Variants in KISS1R observed in about 807,000 individuals in gnomAD.
KISS1R encodes kiSS-1 receptor.
KISS1R carries 19 observed loss-of-function variants against 22.0 expected under a neutral mutation model. The ratio of observed to expected loss-of-function variants is 0.86; its 90% CI spans 0.60 to 1.26. The LOEUF is 1.26. Among genes scored for constraint, KISS1R ranks in the 50% most tolerant of loss-of-function variants. The pLI, the probability that KISS1R is intolerant of heterozygous loss-of-function variation, is 0.00. For synonymous variants in KISS1R, 302 were observed against 283.9 expected (o/e 1.06, Z -0.64); for missense variants, 653 against 581.9 (o/e 1.12, Z -1.26).
chr19:918,698 G>T (rs778005997), intron 2 of KISS1R, 30 bp downstream of exon 2: 14 of 1,538,110 alleles, frequency 9.1e-6, no homozygotes, highest in Non-Finnish European at 1.2e-5. Context: ...GGGAGAGGGC[G>T]CACTTGGGGA....
intron 2 of KISS1R, 44 bp from the exon 3 acceptor site, chr19:919,446 C>G: frequency 6.5e-7 from 1 of 1,537,476 alleles, no homozygotes; most frequent in Non-Finnish European, 8.7e-7. Flanking sequence ...GGGCAGGCTC[C>G]CAACCGCGCA....
chr19:920,752 G>A lies in KISS1R; in HGVS notation c.*4G>A, dbSNP rs2037115629. 1 of 1,277,204 alleles carries A rather than the reference G, an allele frequency of 7.8e-7. No individual in the cohort carries two copies. Among genetic ancestry groups the A allele is most frequent in the Non-Finnish European group, 9.9e-7 (1 of 1,012,850 alleles). 79.1% of individuals were successfully genotyped at this position (1,277,204 alleles called of 1,614,324 possible). ...GGAGGACAACGCCCCTCTCTGAGCGGACCCGGTGGGAATCCGAGCGGCTCC... is the reference window on the plus strand; with the variant it reads ...GGAGGACAACGCCCCTCTCTGAGCGAACCCGGTGGGAATCCGAGCGGCTCC... On this transcript the variant is annotated 3_prime_UTR_variant, in exon 5 of 5. Transcript: ENST00000234371.
chr19:918,860 C>T (rs1470924534), intron 2 of KISS1R, among the ~76,000 whole-genome samples, 192 bp downstream of exon 2: 1 of 84,396 alleles, frequency 1.2e-5, no homozygotes, highest in Admixed American at 1.5e-4. Context: ...CACGTGGGGA[C>T]GGAGGGAGAT....
Position 920,070 on chromosome 19 carries a change from C to T in KISS1R, c.702C>T (p.Val234=), listed in dbSNP as rs1231921013. The change falls in exon 4 of 5, where the codon GTC becomes GTT. Residue 234 remains valine (V), a synonymous_variant. Transcript: ENST00000234371. ...CCATGCTGCGCCACCTGGGCCGGGT[C>T]GCCGTGCGCCCCGCGCCCGCCGATA... ...YAAMLRHLGR[V]AVRPAPADSA... 2.6e-6 allele frequency: 4 copies of T among 1,522,440 alleles called. No homozygotes were observed. Among genetic ancestry groups the T allele is most frequent in the South Asian group, 1.2e-5 (1 of 82,276 alleles). The allele number at this position is 1,522,440 out of a possible 1,614,324, so 94.3% of individuals were successfully genotyped here.
In KISS1R at chr19:917,386, CG is replaced by C; in HGVS notation, c.-116del. ...CCCTCTGGACCCTGCGGACCCCAGC[CG>C]AGCCCCTTCCTGAGTTCCACAGGCG... is the stretch of plus-strand genomic sequence containing the variant. On this transcript the variant is annotated 5_prime_UTR_variant, in exon 1 of 5. Coordinates refer to ENST00000234371, the MANE Select transcript of KISS1R (RefSeq NM_032551.5). The C allele has an allele frequency of 8.1e-7, 1 of 1,233,986 alleles. No homozygotes were observed. Among genetic ancestry groups the C allele is most frequent in the South Asian group, 1.9e-5 (1 of 52,550 alleles). 76.4% of individuals were successfully genotyped at this position (1,233,986 alleles called of 1,614,324 possible).
rs61735615 is a variant in KISS1R, at chr19:919,559, C to T, written c.439C>T (p.Pro147Ser). The T allele has an allele frequency of 8.3e-6, 13 of 1,558,960 alleles. No individual in the cohort carries two copies. Among genetic ancestry groups the T allele is most frequent in the South Asian group, 1.2e-5 (1 of 85,252 alleles). The change falls in exon 3 of 5, where the codon CCG becomes TCG. Residue 147 changes from proline to serine, a missense_variant. Physicochemically the swap from Pro to Ser is moderately conservative, Grantham distance 74. Coordinates refer to ENST00000234371, the MANE Select transcript of KISS1R (RefSeq NM_032551.5). Reference sequence around the variant, plus strand: ...GGACCGCTGGTACGTGACGGTGTTCCCGTTGCGCGCCCTGCACCGCCGCAC... The same window carrying T: ...GGACCGCTGGTACGTGACGGTGTTCTCGTTGCGCGCCCTGCACCGCCGCAC... ...SVDRWYVTVFPLRALHRRTPR... is the reference protein window; with the variant it reads ...SVDRWYVTVFSLRALHRRTPR...
In KISS1R at chr19:917,357, G is replaced by A; in HGVS notation, c.-146G>A. On this transcript the variant is annotated 5_prime_UTR_variant, in exon 1 of 5. Coordinates refer to ENST00000234371, the MANE Select transcript of KISS1R (RefSeq NM_032551.5). Reference sequence around the variant, plus strand: ...CAGAGGAGCCGCCGAGCCCAGCACAGCTGCCCTCTGGACCCTGCGGACCCC... The same window carrying A: ...CAGAGGAGCCGCCGAGCCCAGCACAACTGCCCTCTGGACCCTGCGGACCCC... The A allele has an allele frequency of 2.1e-6, 2 of 952,926 alleles. No individual in the cohort carries two copies. The highest frequency in any genetic ancestry group is 4.2e-5 in the Admixed American group (1 of 23,706). 59.0% of individuals were successfully genotyped at this position (952,926 alleles called of 1,614,324 possible).
rs565693558 is a variant in KISS1R, at chr19:920,710, G to C, written c.1159G>C (p.Gly387Arg). Reference sequence around the variant, plus strand: ...AGGGAGCAGTGGGCTGGCCGCGCGCGGGCTGTGCGTCCTGGGGGAGGACAA... The same window carrying C: ...AGGGAGCAGTGGGCTGGCCGCGCGCCGGCTGTGCGTCCTGGGGGAGGACAA... The part of the protein sequence containing the change: ...KPGSSGLAAR[G>R]LCVLGEDNAP... The change falls in exon 5 of 5, where the codon GGG (glycine) becomes CGG (arginine). Residue 387 changes from glycine (G) to arginine (R), a missense_variant. Gly to Arg is a moderately radical substitution (Grantham distance 125, BLOSUM62 -2). Transcript: ENST00000234371. The C allele has an allele frequency of 5.4e-5, 71 of 1,307,038 alleles. No homozygotes were observed. In the South Asian group the frequency reaches 1.4e-3, roughly 26 times the overall value. 81.0% of individuals were successfully genotyped at this position (1,307,038 alleles called of 1,614,324 possible).
At position 918,939 on chromosome 19, in the gene KISS1R, G is replaced by A. The variant is rs138733085; in HGVS notation, c.369+271G>A. Among the ~76,000 whole-genome samples the A allele has an allele frequency of 0.012, 1,704 of 146,586 alleles. 45 individuals carry two copies. The highest frequency in any genetic ancestry group is 0.041 in the African/African-American group (1,606 of 39,036). On this transcript the variant is annotated intron_variant, in intron 2 of 4. Transcript: ENST00000234371. Reference sequence around the variant, plus strand: ...CAGGGGTGCACTCTGGAGCAGGAGGGGAGGAGGCGCACGTGGGGACGAGGA... The same window carrying A: ...CAGGGGTGCACTCTGGAGCAGGAGGAGAGGAGGCGCACGTGGGGACGAGGA...
At chr19:918,466 G>C in intron 1 of KISS1R, 78 bp from the exon 2 acceptor site, 1 of 1,500,028 alleles carries the variant, frequency 6.7e-7, no homozygotes, top group South Asian at 1.2e-5. Flanking sequence ...GTGGGGGCCA[G>C]GGGTCAGGGC....
chr19:918,954 G>A (rs1320864926), intron 2 of KISS1R, among the ~76,000 whole-genome samples: 1 of 147,976 alleles, frequency 6.8e-6, no homozygotes, highest in East Asian at 2.0e-4. Flanking sequence ...AGGCGCACGT[G>A]GGGACGAGGA....
At position 918,539 on chromosome 19, in the gene KISS1R, C is replaced by T. The variant is rs1197731582; in HGVS notation, c.245-5C>T. 6.5e-7 allele frequency: 1 copy of T among 1,547,972 alleles called. No homozygotes were observed. The highest frequency in any genetic ancestry group is 8.7e-7 in the Non-Finnish European group (1 of 1,146,958). On this transcript the variant is annotated splice_region_variant and splice_polypyrimidine_tract_variant and intron_variant, in intron 1 of 4. Coordinates refer to ENST00000234371, the MANE Select transcript of KISS1R (RefSeq NM_032551.5). ...ACGCCCAGCGCCCGCGCATCCCCAC[C>T]GCAGCCAACCTGGCGGCCACGGACG...
At position 920,485 on chromosome 19, in the gene KISS1R, T is replaced by C. The variant is rs1317466053; in HGVS notation, c.934T>C (p.Ser312Pro). The change falls in exon 5 of 5, where the codon TCC (serine) becomes CCC (proline). Residue 312 changes from serine (S) to proline (P), a missense_variant. Coordinates refer to ENST00000234371, the MANE Select transcript of KISS1R (RefSeq NM_032551.5). ...YALKTWAHCM[S>P]YSNSALNPLL... Reference sequence around the variant, plus strand: ...GCTTAAGACCTGGGCTCACTGCATGTCCTACAGCAACTCCGCGCTGAACCC... The same window carrying C: ...GCTTAAGACCTGGGCTCACTGCATGCCCTACAGCAACTCCGCGCTGAACCC... The C allele has an allele frequency of 6.2e-7, 1 of 1,610,460 alleles. No homozygotes were observed. Among genetic ancestry groups the C allele is most frequent in the African/African-American group, 1.3e-5 (1 of 74,476 alleles).
In KISS1R at chr19:919,984, C is replaced by T; in HGVS notation, c.616C>T (p.Leu206=). 1 of 1,563,834 alleles carries T rather than the reference C, an allele frequency of 6.4e-7. No homozygotes were observed. The highest frequency in any genetic ancestry group is 8.6e-7 in the Non-Finnish European group (1 of 1,157,138). ...CCGCGCCCTGGAGCGCGCCTTCGCACTGTACAACCTGCTGGCGCTGTACCT... is the reference window on the plus strand; with the variant it reads ...CCGCGCCCTGGAGCGCGCCTTCGCATTGTACAACCTGCTGGCGCTGTACCT... ...PSRALERAFA[L]YNLLALYLLP... The change falls in exon 4 of 5, where the codon CTG becomes TTG. Residue 206 remains leucine, a synonymous_variant. Transcript: ENST00000234371.
chr19:920,347 G>A lies in KISS1R; in HGVS notation c.796G>A (p.Ala266Thr). 6.4e-7 allele frequency: 1 copy of A among 1,561,478 alleles called. No homozygotes were observed. Among genetic ancestry groups the A allele is most frequent in the Non-Finnish European group, 8.6e-7 (1 of 1,161,136 alleles). The part of the protein sequence containing the change: ...AVRAKVSRLV[A>T]AVVLLFAACW... ...GCGGGCCAAGGTCTCGCGGCTGGTG[G>A]CGGCCGTGGTCCTGCTCTTCGCCGC... The change falls in exon 5 of 5, where the codon GCG (alanine) becomes ACG (threonine). Residue 266 changes from alanine to threonine, a missense_variant. Transcript: ENST00000234371.
intron 4 of KISS1R, 67 bp from the exon 5 acceptor site, chr19:920,223 G>A (rs1423142730): frequency 2.0e-6 from 3 of 1,528,978 alleles, no homozygotes; most frequent in Admixed American, 3.9e-5. Context: ...CAGGAGGGGC[G>A]GTGCGAGGGG....
At chr19:919,450 C>A in intron 2 of KISS1R, 40 bp from the exon 3 acceptor site, 1 of 1,538,170 alleles carries the variant, frequency 6.5e-7, no homozygotes, top group Non-Finnish European at 8.7e-7. Context: ...AGGCTCCCAA[C>A]CGCGCAGGTG....
In KISS1R at chr19:920,709, C is replaced by G; in HGVS notation, c.1158C>G (p.Arg386=). 7.7e-7 allele frequency: 1 copy of G among 1,306,442 alleles called. No individual in the cohort carries two copies. Among genetic ancestry groups the G allele is most frequent in the Non-Finnish European group, 9.7e-7 (1 of 1,028,770 alleles). 80.9% of individuals were successfully genotyped at this position (1,306,442 alleles called of 1,614,324 possible). A position where few individuals can be genotyped will look rare whatever the true frequency, so the allele number is the denominator to read the frequency against. ...QKPGSSGLAA[R]GLCVLGEDNA... ...CAGGGAGCAGTGGGCTGGCCGCGCG[C>G]GGGCTGTGCGTCCTGGGGGAGGACA... The change falls in exon 5 of 5, where the codon CGC becomes CGG. Residue 386 remains arginine, a synonymous_variant. Coordinates refer to ENST00000234371, the MANE Select transcript of KISS1R (RefSeq NM_032551.5).
chr19:920,776 C>T lies in KISS1R; in HGVS notation c.*28C>T, dbSNP rs187730627. 9.9e-5 allele frequency: 125 copies of T among 1,257,108 alleles called. No homozygotes were observed. The African/African-American group carries it at 1.7e-3, about 17-fold the overall frequency. 77.9% of individuals were successfully genotyped at this position (1,257,108 alleles called of 1,614,324 possible). On this transcript the variant is annotated 3_prime_UTR_variant, in exon 5 of 5. Coordinates refer to ENST00000234371, the MANE Select transcript of KISS1R (RefSeq NM_032551.5). ...GGACCCGGTGGGAATCCGAGCGGCT[C>T]CCTCGGGAGCGGGGACTGCTGGAAC... is the stretch of plus-strand genomic sequence containing the variant.
Sources: gnomAD v4.1 joint callset for allele counts (sites outside exome capture counted in the v4.1 genomes callset) on GRCh38, gnomAD v4.1.1 for gene constraint, MANE v1.5 for transcripts, NCBI Gene and HGNC (gene_info 2026-07-23, HGNC 2026-07-21) for gene names.